SPG11: variants seen among roughly 807,000 people sequenced by gnomAD.
SPG11 encodes the protein spatacsin.
SPG11 carries 222 observed loss-of-function variants against 274.0 expected under a neutral mutation model. The observed-to-expected ratio is 0.81, with a 90% CI of 0.73 to 0.91. SPG11 has a LOEUF of 0.91. SPG11 is among the 40% of genes least tolerant of loss of function. The pLI, the probability that SPG11 is intolerant of heterozygous loss-of-function variation, is 0.00. For synonymous variants in SPG11, 1,144 were observed against 1,039.7 expected (o/e 1.10, Z -1.93); for missense variants, 3,114 against 2,872.7 (o/e 1.08, Z -1.92).
chr15:44,570,653 C>T lies in SPG11; in HGVS notation c.6349G>A (p.Glu2117Lys). Residue 2117 changes from glutamate to lysine, a missense_variant, in exon 34 of 40, where the codon GAG becomes AAG. Transcript: ENST00000261866. ...VPHGELSCTT[E>K]LLILAHHCFT... ...CAATGATGGGCCAGGATCAGGAGCT[C>T]TGTGGCTGGGAGGGTGGGCACTGGT... 6.2e-7 allele frequency: 1 copy of T among 1,613,946 alleles called. No individual in the cohort carries two copies. The highest frequency in any genetic ancestry group is 8.5e-7 in the Non-Finnish European group (1 of 1,179,982).
At chr15:44,568,002 G>A (rs2082344415) in intron 35 of SPG11, among the ~76,000 whole-genome samples, 1 of 152,194 alleles carries the variant, frequency 6.6e-6, no homozygotes, top group South Asian at 2.1e-4. Flanking sequence ...ACTTATGTAG[G>A]AGGATGATTT....
At chr15:44,623,502 T>C (rs1460559940) in intron 11 of SPG11, among the ~76,000 whole-genome samples, 3 of 152,134 alleles carry the variant, frequency 2.0e-5, no homozygotes, top group African/African-American at 7.2e-5. Flanking sequence ...TAGGGCTAGA[T>C]CTCAGCTTAG....
intron 15 of SPG11, 117 bp downstream of exon 15, chr15:44,620,073 A>C (rs1405839805): frequency 2.3e-6 from 2 of 852,238 alleles, no homozygotes; most frequent in African/African-American, 1.7e-5. Flanking sequence ...TTTTATAGTA[A>C]TATGAAACAA....
intron 36 of SPG11, 25 bp from the exon 37 acceptor site, chr15:44,566,330 G>C (rs1210786485): frequency 1.2e-6 from 2 of 1,607,046 alleles, no homozygotes; most frequent in Non-Finnish European, 1.7e-6. Context: ...AAGAAGATTT[G>C]CCGAGTCTGA....
intron 18 of SPG11, among the ~76,000 whole-genome samples, chr15:44,609,224 C>T (rs548154186): frequency 2.6e-5 from 4 of 152,072 alleles, no homozygotes; most frequent in South Asian, 2.1e-4. Context: ...CTCCGCCTCC[C>T]GGGTTCAAGC....
intron 15 of SPG11, among the ~76,000 whole-genome samples, chr15:44,618,599 C>T (rs367814874): frequency 3.5e-4 from 53 of 149,748 alleles, no homozygotes; most frequent in African/African-American, 1.3e-3. Context: ...GGGCAGAACA[C>T]GAGGTCAGGA....
intron 31 of SPG11, 113 bp from the exon 32 acceptor site, chr15:44,573,858 T>C: frequency 1.0e-6 from 1 of 956,484 alleles, no homozygotes. Flanking sequence ...GCTTACAGAC[T>C]CCTCACCCTC....
At chr15:44,603,871 T>C (rs2083255372) in intron 20 of SPG11, among the ~76,000 whole-genome samples, 1 of 152,228 alleles carries the variant, frequency 6.6e-6, no homozygotes, top group Non-Finnish European at 1.5e-5. Flanking sequence ...TTAATTGTTC[T>C]ATTGTTTTTC....
At chr15:44,580,757 C>G (rs2082643542) in intron 30 of SPG11, among the ~76,000 whole-genome samples, 1 of 152,244 alleles carries the variant, frequency 6.6e-6, no homozygotes, top group Non-Finnish European at 1.5e-5. Flanking sequence ...CGCCACTGCA[C>G]TCCAGCCTGG....
Position 44,610,989 on chromosome 15 carries a change from G to T in SPG11, c.3146-4C>A, listed in dbSNP as rs747053234. ...GCCTGGAAGATCAGTTTGGGATCTG[G>T]AAAATAAAAGACAGTGTTTTTCTCC... On this transcript the variant is annotated splice_polypyrimidine_tract_variant and splice_region_variant and intron_variant, in intron 17 of 39. Transcript: ENST00000261866. 1.1e-5 allele frequency: 18 copies of T among 1,585,962 alleles called. 1 individual carries two copies. In the South Asian group the frequency reaches 2.0e-4, roughly 17 times the overall value.
chr15:44,637,516 G>A (rs2084313067), intron 7 of SPG11, among the ~76,000 whole-genome samples: 1 of 152,140 alleles, frequency 6.6e-6, no homozygotes, highest in South Asian at 2.1e-4. Context: ...GGTTTGGCAT[G>A]TTAGCCAGGC....
At chr15:44,585,159 A>G (rs2082730113) in intron 29 of SPG11, among the ~76,000 whole-genome samples, 1 of 152,170 alleles carries the variant, frequency 6.6e-6, no homozygotes, top group Non-Finnish European at 1.5e-5. Context: ...AATCATGGGA[A>G]TTGTAGGCTC....
intron 15 of SPG11, among the ~76,000 whole-genome samples, chr15:44,617,528 T>C (rs1196014582): frequency 1.3e-5 from 2 of 152,222 alleles, no homozygotes; most frequent in Non-Finnish European, 2.9e-5. Context: ...TGTAAAATGA[T>C]CATACAGGTA....
chr15:44,588,301 AAAAAC>A (rs2082818902), intron 28 of SPG11, among the ~76,000 whole-genome samples: 1 of 151,842 alleles, frequency 6.6e-6, no homozygotes, highest in African/African-American at 2.4e-5. Flanking sequence ...CTGCAAAAAA[AAAAAC>A]AAACAAAAAA....
chr15:44,589,114 T>C (rs1198344711), intron 28 of SPG11, 138 bp downstream of exon 28: 4 of 803,356 alleles, frequency 5.0e-6, no homozygotes, highest in Non-Finnish European at 8.1e-6. Flanking sequence ...TAAAGTTCTC[T>C]GTAACTTGTT....
intron 6 of SPG11, among the ~76,000 whole-genome samples, chr15:44,649,787 C>T (rs771846724): frequency 3.3e-5 from 5 of 151,122 alleles, no homozygotes; most frequent in Non-Finnish European, 7.4e-5. Flanking sequence ...CCCAGCTACT[C>T]GGGAGGGTGA....
chr15:44,650,335 G>A (rs2084731931), intron 6 of SPG11, among the ~76,000 whole-genome samples: 4 of 151,960 alleles, frequency 2.6e-5, no homozygotes, highest in Admixed American at 2.6e-4. Context: ...CCTGGGCAAG[G>A]TAGTGAGACC....
At chr15:44,573,784 A>C (rs2082477321) in intron 31 of SPG11, 39 bp from the exon 32 acceptor site, 1 of 1,608,266 alleles carries the variant, frequency 6.2e-7, no homozygotes, top group African/African-American at 1.3e-5. Flanking sequence ...CACTTTTAGA[A>C]GCCAGGAAAA....
At chr15:44,628,598 G>A in intron 10 of SPG11, 71 bp downstream of exon 10, 1 of 1,387,710 alleles carries the variant, frequency 7.2e-7, no homozygotes, top group Non-Finnish European at 1.0e-6. Context: ...TCTGAATTCT[G>A]TTTCTTTCTA....
Sources: gnomAD v4.1 joint callset for allele counts (sites outside exome capture counted in the v4.1 genomes callset) on GRCh38, gnomAD v4.1.1 for gene constraint, MANE v1.5 for transcripts, NCBI Gene and HGNC (gene_info 2026-07-23, HGNC 2026-07-21) for gene names.